The following ANKUB1 variants were observed in gnomAD, a reference collection of about 807,000 sequenced individuals.
ANKUB1 encodes the protein protein ANKUB1.
In ANKUB1, 42 loss-of-function variants were observed where a neutral mutation model predicts 49.3. That is an observed-to-expected ratio of 0.85 (90% CI 0.67 to 1.10). ANKUB1 has a LOEUF of 1.10. ANKUB1 is among the 50% of genes least tolerant of loss of function. The probability of loss-of-function intolerance (pLI) is 0.00; values close to 1 mark genes in which losing one functional copy is unlikely to be tolerated. For synonymous variants in ANKUB1, 222 were observed against 231.0 expected, an observed-to-expected ratio of 0.96 and a Z score of 0.35; for missense variants, 613 against 642.0, an observed-to-expected ratio of 0.95 and a Z score of 0.49.
intron 2 of ANKUB1, among the ~76,000 whole-genome samples, chr3:149,785,038 T>A (rs1036640656): frequency 6.6e-6 from 1 of 152,140 alleles, no homozygotes; most frequent in Non-Finnish European, 1.5e-5. Flanking sequence ...GGGGCAAAAG[T>A]GATAGTGCCT....
intron 3 of ANKUB1, among the ~76,000 whole-genome samples, chr3:149,776,372 T>C (rs1717596739): frequency 6.6e-6 from 1 of 152,130 alleles, no homozygotes; most frequent in East Asian, 1.9e-4. Context: ...CTATATTTAC[T>C]CTCTGAGGAA....
In ANKUB1 at chr3:149,761,338, G is replaced by T; in HGVS notation, c.*146C>A. ...AGTGTGATGAAGTCTGAGAAAACAT[G>T]GTGTTAAATATCCTATTAAAAGTTA... On this transcript the variant is annotated 3_prime_UTR_variant, in exon 6 of 6. Coordinates refer to ENST00000446160, the MANE Select transcript of ANKUB1 (RefSeq NM_001144960.3). The T allele has an allele frequency of 1.1e-6, 1 of 895,890 alleles. No homozygotes were observed. The highest frequency in any genetic ancestry group is 1.6e-6 in the Non-Finnish European group (1 of 622,394). The allele number at this position is 895,890 out of a possible 1,614,324, so 55.5% of individuals were successfully genotyped here.
At chr3:149,781,444 T>A (rs1717865737) in intron 2 of ANKUB1, among the ~76,000 whole-genome samples, 1 of 152,212 alleles carries the variant, frequency 6.6e-6, no homozygotes, top group Non-Finnish European at 1.5e-5. Context: ...AATATTTTTC[T>A]GCAACGGCCT....
intron 2 of ANKUB1, among the ~76,000 whole-genome samples, chr3:149,787,633 G>A (rs922517978): frequency 1.3e-5 from 2 of 152,058 alleles, no homozygotes; most frequent in Non-Finnish European, 2.9e-5. Flanking sequence ...AGAATACAAT[G>A]TTCTTTTCCC....
chr3:149,776,930 T>C (rs2108271974), intron 3 of ANKUB1, among the ~76,000 whole-genome samples: 1 of 151,828 alleles, frequency 6.6e-6, no homozygotes, highest in South Asian at 2.1e-4. Flanking sequence ...TAAGCTGAGG[T>C]TGTGCCACTG....
At chr3:149,770,455 C>A in intron 4 of ANKUB1, 105 bp downstream of exon 4, 1 of 788,690 alleles carries the variant, frequency 1.3e-6, no homozygotes, top group South Asian at 1.6e-5. Context: ...TGGCATAGAG[C>A]AGCACCCCAG....
intron 5 of ANKUB1, among the ~76,000 whole-genome samples, chr3:149,765,663 T>G (rs1716981494): frequency 6.6e-6 from 1 of 152,178 alleles, no homozygotes; most frequent in Non-Finnish European, 1.5e-5. Flanking sequence ...AAAAATAAAC[T>G]CATTTTTAGC....
At chr3:149,772,987 C>G (rs1048750924) in intron 3 of ANKUB1, among the ~76,000 whole-genome samples, 2 of 152,194 alleles carry the variant, frequency 1.3e-5, no homozygotes, top group African/African-American at 4.8e-5. Context: ...GCCCACTCAG[C>G]AGCCCCCTTT....
At position 149,767,473 on chromosome 3, in the gene ANKUB1, G is replaced by A; in HGVS notation, c.1189C>T (p.Gln397Ter). 1 of 1,551,724 alleles carries A rather than the reference G, an allele frequency of 6.4e-7. No homozygotes were observed. The highest frequency in any genetic ancestry group is 8.7e-7 in the Non-Finnish European group (1 of 1,147,000). The change falls in exon 5 of 6, where the codon CAG becomes TAG. Residue 397 changes from glutamine to a stop codon, truncating the protein, a stop_gained. Coordinates refer to ENST00000446160, the MANE Select transcript of ANKUB1 (RefSeq NM_001144960.3). LOFTEE classifies it high-confidence loss of function. ...SKPVNPLAIS[Q>*]PDTRKQALKF... The stretch of plus-strand genomic sequence containing the variant: ...AGGGCTTGTTTTCTTGTGTCCGGCT[G>A]TGAAATTGCCAAAGGATTGACAGGT...
At chr3:149,766,815 A>AC in intron 5 of ANKUB1, 1 of 1,196,182 alleles carries the variant, frequency 8.4e-7, no homozygotes, top group East Asian at 2.6e-5. Context: ...AAGAAAAAAG[A>AC]AAAGCAGCAG....
chr3:149,784,572 G>A (rs1437196951), intron 2 of ANKUB1, among the ~76,000 whole-genome samples: 2 of 152,204 alleles, frequency 1.3e-5, no homozygotes, highest in Non-Finnish European at 2.9e-5. Context: ...TCTGGGGCGT[G>A]CTTTAGATGT....
intron 2 of ANKUB1, among the ~76,000 whole-genome samples, chr3:149,781,889 A>G (rs968684099): frequency 1.3e-5 from 2 of 152,206 alleles, no homozygotes; most frequent in Non-Finnish European, 2.9e-5. Flanking sequence ...CACTGAGCCT[A>G]AAGTGCTTAG....
chr3:149,762,122 A>T (rs1476177398), intron 5 of ANKUB1, among the ~76,000 whole-genome samples: 1 of 152,190 alleles, frequency 6.6e-6, no homozygotes, highest in East Asian at 1.9e-4. Context: ...TAGGATGCAA[A>T]TGTGATTTAA....
chr3:149,789,164 A>G (rs1482204046), intron 2 of ANKUB1, among the ~76,000 whole-genome samples: 1 of 152,188 alleles, frequency 6.6e-6, no homozygotes, highest in African/African-American at 2.4e-5. Context: ...TTAAAATGTT[A>G]TATAATAAAA....
At chr3:149,783,858 C>G (rs539661505) in intron 2 of ANKUB1, 11 of 152,306 alleles carry the variant, frequency 7.2e-5, no homozygotes, top group Admixed American at 6.5e-4. Context: ...CACCTTTCTT[C>G]ACCAGATTCT....
At chr3:149,769,482 G>A (rs142194863) in intron 4 of ANKUB1, among the ~76,000 whole-genome samples, 61 of 152,308 alleles carry the variant, frequency 4.0e-4, no homozygotes, top group Admixed American at 2.0e-3. Context: ...AGATACAGAC[G>A]TCCTTTGACT....
chr3:149,773,948 G>C (rs573228246), intron 3 of ANKUB1, among the ~76,000 whole-genome samples: 1 of 152,166 alleles, frequency 6.6e-6, no homozygotes, highest in African/African-American at 2.4e-5. Flanking sequence ...GATTGCTTGA[G>C]GCCAGGAGTT....
chr3:149,776,345 C>T (rs1717595594), intron 3 of ANKUB1, among the ~76,000 whole-genome samples: 1 of 152,042 alleles, frequency 6.6e-6, no homozygotes, highest in South Asian at 2.1e-4. Context: ...AGCCATTGGC[C>T]CTTAAGACAT....
At chr3:149,772,297 A>C (rs1717401914) in intron 3 of ANKUB1, among the ~76,000 whole-genome samples, 1 of 152,184 alleles carries the variant, frequency 6.6e-6, no homozygotes, top group Admixed American at 6.5e-5. Context: ...CTGGAATTAC[A>C]GGTGTGAGCC....
Sources: allele counts gnomAD v4.1 joint callset (sites outside exome capture counted in the v4.1 genomes callset), GRCh38; gene constraint gnomAD v4.1.1; transcripts MANE v1.5; gene names NCBI Gene and HGNC (gene_info 2026-07-23, HGNC 2026-07-21).